The following CNDP2 variants were observed in gnomAD, a reference collection of about 807,000 sequenced individuals.
CNDP2 encodes the protein cytosolic non-specific dipeptidase.
CNDP2 carries 38 observed loss-of-function variants against 55.0 expected under a neutral mutation model. The observed-to-expected ratio is 0.69, with a 90% CI of 0.53 to 0.90. The LOEUF is 0.90. Among genes scored for constraint, CNDP2 ranks in the 40% least tolerant of loss-of-function variants. CNDP2 has a pLI of 0.00. For synonymous variants in CNDP2, 241 were observed against 260.2 expected, an observed-to-expected ratio of 0.93 and a Z score of 0.71; for missense variants, 607 against 621.7, an observed-to-expected ratio of 0.98 and a Z score of 0.25.
intron 9 of CNDP2, chr18:74,516,618 T>C (rs1979684819): frequency 2.3e-6 from 1 of 433,216 alleles, no homozygotes; most frequent in African/African-American, 3.7e-5. Context: ...AAATCTGGCC[T>C]TTGACCTCAC....
Position 74,513,688 on chromosome 18 carries a change from T to G in CNDP2, c.872T>G (p.Val291Gly). 1 of 1,613,968 alleles carries G rather than the reference T, an allele frequency of 6.2e-7. No individual in the cohort carries two copies. ...GACATAGAGGAGTTTGCCAAGGATG[T>G]GGGGGCGCAGATCCTCCTGCACAGC... ...DFDIEEFAKD[V>G]GAQILLHSHK... The change falls in exon 8 of 12, where the codon GTG becomes GGG. Residue 291 changes from valine (V) to glycine (G), a missense_variant. Coordinates refer to ENST00000324262, the MANE Select transcript of CNDP2 (RefSeq NM_018235.3).
chr18:74,518,454 C>A, intron 9 of CNDP2, 45 bp from the exon 10 acceptor site: 1 of 1,609,916 alleles, frequency 6.2e-7, no homozygotes, highest in African/African-American at 1.3e-5. Flanking sequence ...GGATCAAATG[C>A]AAGCTTATAA....
rs894803018 is a variant in CNDP2 at position 74,519,006 on chromosome 18, C to G, written c.1268C>G (p.Thr423Ser). ...GGCGGCAGTATTCCCGTGACCTTGA[C>G]CTTTCAGGAGGCCACGGGCAAGAAC... Reference protein sequence around the residue: ...REGGSIPVTLTFQEATGKNVM... With the variant: ...REGGSIPVTLSFQEATGKNVM... The change falls in exon 11 of 12, where the codon ACC (threonine) becomes AGC (serine). Residue 423 changes from threonine (T) to serine (S), a missense_variant. By Grantham distance (58) the Thr-to-Ser change is moderately conservative. Transcript: ENST00000324262. 3.1e-6 allele frequency: 5 copies of G among 1,614,152 alleles called. No individual in the cohort carries two copies. The highest frequency in any genetic ancestry group is 1.7e-5 in the Admixed American group (1 of 60,024).
In CNDP2 at chr18:74,520,832, A is replaced by ATAAG. The variant is rs1372426736; in HGVS notation, c.*766_*769dup. 1 of 152,220 alleles carries ATAAG rather than the reference A, an allele frequency of 6.6e-6. No individual in the cohort carries two copies. The highest frequency in any genetic ancestry group is 1.5e-5 in the Non-Finnish European group (1 of 68,054). 9.4% of individuals were successfully genotyped at this position (152,220 alleles called of 1,614,324 possible). On this transcript the variant is annotated 3_prime_UTR_variant, in exon 12 of 12. Coordinates refer to ENST00000324262, the MANE Select transcript of CNDP2 (RefSeq NM_018235.3). Reference sequence around the variant, plus strand: ...AGAACGAGACCCCATCTCAAAAAAAATAAGTTCTGGTTGTCATTGAATTGG... The same window carrying ATAAG: ...AGAACGAGACCCCATCTCAAAAAAAATAAGTAAGTTCTGGTTGTCATTGAATTGG...
intron 1 of CNDP2, among the ~76,000 whole-genome samples, chr18:74,496,989 A>G (rs1978450846): frequency 6.6e-6 from 1 of 152,208 alleles, no homozygotes; most frequent in Admixed American, 6.5e-5. Flanking sequence ...TATAGGAGGA[A>G]GCGTCTGAGG....
In CNDP2 at chr18:74,520,081, G is replaced by GTCC; in HGVS notation, c.*14_*15insCCT. 6.2e-7 allele frequency: 1 copy of GTCC among 1,613,920 alleles called. No individual in the cohort carries two copies. The highest frequency in any genetic ancestry group is 8.5e-7 in the Non-Finnish European group (1 of 1,179,834). ...GCTGAAGGACTAGGCCAAGCCCTCTGTGTGCCATCTCCAATGAGAAGGAAT... is the reference window on the plus strand; with the variant it reads ...GCTGAAGGACTAGGCCAAGCCCTCTGTCCTGTGCCATCTCCAATGAGAAGGAAT... On this transcript the variant is annotated 3_prime_UTR_variant, in exon 12 of 12. Transcript: ENST00000324262.
chr18:74,520,011 A>G lies in CNDP2; in HGVS notation c.1371A>G (p.Ile457Met). The stretch of plus-strand genomic sequence containing the variant: ...TCCTCTCTACCAGGTATAACTACAT[A>G]GAGGGAACCAAGATGCTGGCCGCGT... ...QNEKLNRYNY[I>M]EGTKMLAAYL... Residue 457 changes from isoleucine to methionine, a missense_variant, in exon 12 of 12, where the codon ATA becomes ATG. Physicochemically the swap from Ile to Met is conservative, Grantham distance 10. Coordinates refer to ENST00000324262, the MANE Select transcript of CNDP2 (RefSeq NM_018235.3). 6.2e-7 allele frequency: 1 copy of G among 1,614,054 alleles called. No individual in the cohort carries two copies. The highest frequency in any genetic ancestry group is 8.5e-7 in the Non-Finnish European group (1 of 1,179,978).
At position 74,518,631 on chromosome 18, in the gene CNDP2, A is replaced by G; in HGVS notation, c.1201A>G (p.Met401Val). The G allele has an allele frequency of 6.2e-7, 1 of 1,614,184 alleles. No individual in the cohort carries two copies. The highest frequency in any genetic ancestry group is 8.5e-7 in the Non-Finnish European group (1 of 1,180,042). The change falls in exon 10 of 12, where the codon ATG (methionine) becomes GTG (valine). Residue 401 changes from methionine to valine, a missense_variant. Physicochemically the swap from Met to Val is conservative, Grantham distance 21. Transcript: ENST00000324262. ...HPHYLAGRRA[M>V]KTVFGVEPDL... ...TCATTACCTGGCTGGGAGAAGAGCC[A>G]TGAAGACAGGTTGGACGCTCTCCTT...
Position 74,519,925 on chromosome 18 carries a change from C to T in CNDP2, c.1359-74C>T, listed in dbSNP as rs114876040. ...GAAGAAGGCAGAGTGTGTCTGGGCT[C>T]GGGAGGAGTCACCCCACACCTGGGT... is the stretch of plus-strand genomic sequence containing the variant. On this transcript the variant is annotated intron_variant, in intron 11 of 11. Coordinates refer to ENST00000324262, the MANE Select transcript of CNDP2 (RefSeq NM_018235.3). 9.7e-3 allele frequency: 13,320 copies of T among 1,368,690 alleles called. 930 individuals carry two copies. The African/African-American group carries it at 0.16, about 16-fold the overall frequency. The allele number at this position is 1,368,690 out of a possible 1,614,324, so 84.8% of individuals were successfully genotyped here.
intron 8 of CNDP2, 125 bp from the exon 9 acceptor site, chr18:74,516,103 A>G: frequency 9.4e-7 from 1 of 1,063,702 alleles, no homozygotes; most frequent in Non-Finnish European, 1.4e-6. Flanking sequence ...TGTGGTTGTC[A>G]GGCTCCTGGG....
intron 1 of CNDP2, chr18:74,498,017 T>C (rs2144565216): frequency 6.6e-6 from 1 of 152,298 alleles, no homozygotes; most frequent in Middle Eastern, 3.4e-3. Flanking sequence ...AACTGGAACC[T>C]GGCCTAGCCT....
chr18:74,512,715 A>T (rs372362416), intron 7 of CNDP2, among the ~76,000 whole-genome samples, 183 bp downstream of exon 7: 10 of 151,258 alleles, frequency 6.6e-5, no homozygotes, highest in African/African-American at 2.4e-4. Context: ...CCCTTGTTTG[A>T]TTTTTGCCCC....
intron 5 of CNDP2, chr18:74,509,229 T>G: frequency 2.7e-6 from 1 of 376,992 alleles, no homozygotes; most frequent in Non-Finnish European, 5.0e-6. Flanking sequence ...TCTGTGAGTG[T>G]GGTCCCTTGC....
rs1003123607 is a variant in CNDP2, at chr18:74,521,525, C to T, written c.*1457C>T. 1 of 152,212 alleles carries T rather than the reference C, an allele frequency of 6.6e-6. No homozygotes were observed. Among genetic ancestry groups the T allele is most frequent in the African/African-American group, 2.4e-5 (1 of 41,432 alleles). The allele number at this position is 152,212 out of a possible 1,614,324, so 9.4% of individuals were successfully genotyped here. A position where few individuals can be genotyped will look rare whatever the true frequency, so the allele number is the denominator to read the frequency against. On this transcript the variant is annotated 3_prime_UTR_variant, in exon 12 of 12. Transcript: ENST00000324262. ...TCACATCGGAACGTAAGGATGCGCT[C>T]CTGAGGGCGTGGGGCTGCGTCCAAG... is the stretch of plus-strand genomic sequence containing the variant.
At chr18:74,517,610 G>T (rs948203438) in intron 9 of CNDP2, 6 of 152,122 alleles carry the variant, frequency 3.9e-5, no homozygotes, top group African/African-American at 1.4e-4. Context: ...CAGGGGTGGT[G>T]TGTGCTCCCC....
chr18:74,508,752 TA>T, intron 4 of CNDP2, 87 bp from the exon 5 acceptor site: 1 of 1,045,134 alleles, frequency 9.6e-7, no homozygotes, highest in Non-Finnish European at 1.5e-6. Context: ...TTTGCTTGGC[TA>T]AGGGGTTATC....
Position 74,501,345 on chromosome 18 carries a change from T to G in CNDP2, c.77T>G (p.Val26Gly). ...DRYIKKLAKW[V>G]AIQSVSAWPE... ...CACAAACAGAAACTCGCAAAATGGG[T>G]GGCTATCCAGAGTGTGTCTGCGTGG... The change falls in exon 3 of 12, where the codon GTG (valine) becomes GGG (glycine). Residue 26 changes from valine (V) to glycine (G), a missense_variant. Physicochemically the swap from Val to Gly is moderately radical, Grantham distance 109 (BLOSUM62 -3). Transcript: ENST00000324262. 6.2e-7 allele frequency: 1 copy of G among 1,612,642 alleles called. No individual in the cohort carries two copies. The highest frequency in any genetic ancestry group is 1.3e-5 in the African/African-American group (1 of 74,910).
chr18:74,518,273 A>G, intron 9 of CNDP2: 1 of 419,478 alleles, frequency 2.4e-6, no homozygotes, highest in Non-Finnish European at 4.3e-6. Context: ...GAAAAAATAA[A>G]AAATAAAAAA....
chr18:74,511,661 T>C (rs1979359896), intron 6 of CNDP2, among the ~76,000 whole-genome samples: 1 of 150,720 alleles, frequency 6.6e-6, no homozygotes, highest in Admixed American at 6.6e-5. Context: ...TGAGTGGAGA[T>C]TGCACCATTG....
Sources: gnomAD v4.1 joint callset for allele counts (sites outside exome capture counted in the v4.1 genomes callset) on GRCh38, gnomAD v4.1.1 for gene constraint, MANE v1.5 for transcripts, NCBI Gene and HGNC (gene_info 2026-07-23, HGNC 2026-07-21) for gene names.